The following CDH10 variants were observed in gnomAD, a reference collection of about 807,000 sequenced individuals.
CDH10 encodes cadherin-10.
In CDH10, 30 loss-of-function variants were observed where a neutral mutation model predicts 73.1. The observed-to-expected ratio is 0.41, with a 90% CI of 0.31 to 0.56. The LOEUF (loss-of-function observed/expected upper bound fraction) is 0.56, where lower values mean the gene tolerates loss of function less well. Among genes scored for constraint, CDH10 ranks in the 20% least tolerant of loss-of-function variants. The pLI is 0.27. For missense variants in CDH10, 815 were observed against 973.7 expected (o/e 0.84, Z 2.17); for synonymous variants, 345 against 348.2 (o/e 0.99, Z 0.10).
At chr5:24,506,269 T>C (rs1057076724) in intron 7 of CDH10, among the ~76,000 whole-genome samples, 1 of 152,212 alleles carries the variant, frequency 6.6e-6, no homozygotes, top group African/African-American at 2.4e-5. Flanking sequence ...CATGGTACGC[T>C]GGGCATGATT....
In CDH10 at chr5:24,634,176, G is replaced by A. The variant is rs142613509; in HGVS notation, c.-124+10418C>T. On this transcript the variant is annotated intron_variant, in intron 1 of 11. Coordinates refer to ENST00000264463, the MANE Select transcript of CDH10 (RefSeq NM_006727.5). ...AAAGAAATGATTATTTCAGTAGTCT[G>A]CATAATTAATTATTCAATAACCATT... 2.8e-4 allele frequency among the ~76,000 whole-genome samples: 43 copies of A among 151,886 alleles called. 1 individual carries two copies. In the East Asian group the frequency reaches 7.8e-3, roughly 27 times the overall value.
chr5:24,527,482 C>A (rs1466164328), intron 5 of CDH10, among the ~76,000 whole-genome samples: 1 of 151,398 alleles, frequency 6.6e-6, no homozygotes, highest in Non-Finnish European at 1.5e-5. Flanking sequence ...CTGAGAAATG[C>A]ATTGTTAGAT....
chr5:24,572,935 G>GAAAA (rs55946839), intron 2 of CDH10, among the ~76,000 whole-genome samples: 275 of 72,122 alleles, frequency 3.8e-3, no homozygotes, highest in Middle Eastern at 0.036. Context: ...CTTAGAAAAA[G>GAAAA]AAAAAAAAAA....
intron 7 of CDH10, among the ~76,000 whole-genome samples, chr5:24,508,299 A>G (rs1362236356): frequency 6.6e-6 from 1 of 152,226 alleles, no homozygotes; most frequent in Non-Finnish European, 1.5e-5. Flanking sequence ...TCATTGAAAC[A>G]TTGATTCTTT....
chr5:24,614,342 T>TA (rs1747057476), intron 1 of CDH10, among the ~76,000 whole-genome samples: 1 of 152,198 alleles, frequency 6.6e-6, no homozygotes, highest in African/African-American at 2.4e-5. Context: ...TAATTCCTTC[T>TA]AAAACCATAC....
chr5:24,634,613 A>G (rs1175666138), intron 1 of CDH10, among the ~76,000 whole-genome samples: 1 of 151,832 alleles, frequency 6.6e-6, no homozygotes, highest in Non-Finnish European at 1.5e-5. Context: ...TACATGATTA[A>G]AGAGATAATA....
intron 9 of CDH10, among the ~76,000 whole-genome samples, chr5:24,493,184 T>C (rs971420399): frequency 1.3e-5 from 2 of 151,942 alleles, no homozygotes; most frequent in African/African-American, 4.8e-5. Flanking sequence ...TTTTATTAAT[T>C]TAGATATAGC....
Position 24,567,566 on chromosome 5 carries a change from C to A in CDH10, c.231+25694G>T, listed in dbSNP as rs547596098. On this transcript the variant is annotated intron_variant, in intron 2 of 11. Coordinates refer to ENST00000264463, the MANE Select transcript of CDH10 (RefSeq NM_006727.5). ...ATGTAAGAGTGTATGCTCCAAAGGTCCATTTAAATAAAATTTTAAATGAAA... is the reference window on the plus strand; with the variant it reads ...ATGTAAGAGTGTATGCTCCAAAGGTACATTTAAATAAAATTTTAAATGAAA... Among the ~76,000 whole-genome samples, 24 of 151,456 alleles carry A rather than the reference C, an allele frequency of 1.6e-4. No individual in the cohort carries two copies. In the South Asian group the frequency reaches 4.4e-3, roughly 28 times the overall value.
rs979697580 is a variant in CDH10, at chr5:24,602,625, GTGTGTATA to G, written c.-123-9020_-123-9013del. On this transcript the variant is annotated intron_variant, in intron 1 of 11. Coordinates refer to ENST00000264463, the MANE Select transcript of CDH10 (RefSeq NM_006727.5). ...TGTATTATTGCATTGCATTGCATGT[GTGTGTATA>G]TGTGTATATGTGTATGTTCCCTTAA... Among the ~76,000 whole-genome samples the G allele has an allele frequency of 3.3e-5, 5 of 152,236 alleles. No individual in the cohort carries two copies. The South Asian group carries it at 6.2e-4, about 19-fold the overall frequency.
intron 2 of CDH10, among the ~76,000 whole-genome samples, chr5:24,569,911 G>A (rs963388704): frequency 1.3e-5 from 2 of 151,990 alleles, no homozygotes; most frequent in Non-Finnish European, 2.9e-5. Context: ...CGACAGGCGC[G>A]TGCCACGACG....
chr5:24,507,823 G>A (rs1742753878), intron 7 of CDH10, among the ~76,000 whole-genome samples: 1 of 152,150 alleles, frequency 6.6e-6, no homozygotes, highest in Admixed American at 6.5e-5. Context: ...AATTGGGGAA[G>A]AGGCATTTAT....
At chr5:24,546,804 C>A (rs541137022) in intron 2 of CDH10, among the ~76,000 whole-genome samples, 1 of 152,194 alleles carries the variant, frequency 6.6e-6, no homozygotes, top group Non-Finnish European at 1.5e-5. Context: ...AAACTTCTCA[C>A]AGCACATAGT....
At chr5:24,600,925 C>T (rs954143495) in intron 1 of CDH10, among the ~76,000 whole-genome samples, 1 of 151,870 alleles carries the variant, frequency 6.6e-6, no homozygotes, top group Admixed American at 6.6e-5. Context: ...ATTTTTTCTA[C>T]TGTAGACAGT....
rs534838041 is a variant in CDH10 at position 24,514,138 on chromosome 5, C to T, written c.815-2624G>A. On this transcript the variant is annotated intron_variant, in intron 5 of 11. Transcript: ENST00000264463. ...TGTACATTGTATAGAAGCTTCCTAC[C>T]TAGTCTACTAGCTCCTATGCTTGGC... is the stretch of plus-strand genomic sequence containing the variant. Among the ~76,000 whole-genome samples, 4 of 152,064 alleles carry T rather than the reference C, an allele frequency of 2.6e-5. 1 individual carries two copies. The South Asian group carries it at 8.3e-4, about 32-fold the overall frequency.
intron 8 of CDH10, among the ~76,000 whole-genome samples, chr5:24,504,155 GA>G (rs1300757503): frequency 2.6e-5 from 4 of 151,954 alleles, no homozygotes; most frequent in Admixed American, 6.6e-5. Context: ...AAAAAATCCC[GA>G]AAAACAGCAG....
At chr5:24,511,804 T>C (rs1204318837) in intron 5 of CDH10, among the ~76,000 whole-genome samples, 1 of 152,140 alleles carries the variant, frequency 6.6e-6, no homozygotes, top group East Asian at 1.9e-4. Context: ...AGTATGTTCA[T>C]AAAAAGAAAC....
chr5:24,511,535 A>AAG lies in CDH10; in HGVS notation c.815-23_815-22dup, dbSNP rs776963293. On this transcript the variant is annotated intron_variant, in intron 5 of 11. Transcript: ENST00000264463. ...AGTGTCTGTAAAGTATAAAGAAAAGAAGAGAGAGACAGAGAGAGAGAGAGA... is the reference window on the plus strand; with the variant it reads ...AGTGTCTGTAAAGTATAAAGAAAAGAAGAGAGAGAGACAGAGAGAGAGAGAGA... 15 of 845,518 alleles carry AAG rather than the reference A, an allele frequency of 1.8e-5. No homozygotes were observed. In the East Asian group the frequency reaches 1.8e-4, roughly 10 times the overall value. The allele number at this position is 845,518 out of a possible 1,614,324, so 52.4% of individuals were successfully genotyped here. A position where few individuals can be genotyped will look rare whatever the true frequency, so the allele number is the denominator to read the frequency against.
At chr5:24,492,044 TGTAATTCCTCA>T (rs1742072369) in intron 10 of CDH10, among the ~76,000 whole-genome samples, 1 of 152,226 alleles carries the variant, frequency 6.6e-6, no homozygotes, top group Non-Finnish European at 1.5e-5. Flanking sequence ...TAGGTTTTCA[TGTAATTCCTCA>T]GTACTGTTTT....
chr5:24,524,864 T>C (rs988454331), intron 5 of CDH10, among the ~76,000 whole-genome samples: 2 of 152,120 alleles, frequency 1.3e-5, no homozygotes, highest in African/African-American at 4.8e-5. Context: ...TCACACAACA[T>C]CTGCACTGGC....
Sources: gnomAD v4.1 joint callset for allele counts (sites outside exome capture counted in the v4.1 genomes callset) on GRCh38, gnomAD v4.1.1 for gene constraint, MANE v1.5 for transcripts, NCBI Gene and HGNC (gene_info 2026-07-23, HGNC 2026-07-21) for gene names.